Variants in RRM2 observed in about 807,000 individuals in gnomAD.
RRM2 encodes ribonucleotide reductase regulatory subunit M2.
A neutral mutation model predicts 45.9 loss-of-function variants in RRM2; 6 were observed. The ratio of observed to expected loss-of-function variants is 0.13; its 90% CI spans 0.07 to 0.26. The LOEUF is 0.26. Ranked by LOEUF, RRM2 falls within the 10% of genes least tolerant of loss-of-function variation. The pLI is 1.00. For synonymous variants in RRM2, 177 were observed against 173.0 expected, an observed-to-expected ratio of 1.02 and a Z score of -0.18; for missense variants, 343 against 489.5, an observed-to-expected ratio of 0.70 and a Z score of 2.82.
chr2:10,187,144 G>A (rs543922592), intron 3 of RRM2, among the ~76,000 whole-genome samples: 1 of 152,340 alleles, frequency 6.6e-6, no homozygotes, highest in South Asian at 2.1e-4. Context: ...TCTCAGACAA[G>A]GAATGACCCA....
chr2:10,143,332 G>C (rs1663123368), intron 3 of RRM2, among the ~76,000 whole-genome samples: 1 of 152,210 alleles, frequency 6.6e-6, no homozygotes, highest in African/African-American at 2.4e-5. Flanking sequence ...AGTGAGGCCA[G>C]ATTAGGGGCC....
At chr2:10,208,984 G>A (rs934452334) in intron 3 of RRM2, among the ~76,000 whole-genome samples, 2 of 151,570 alleles carry the variant, frequency 1.3e-5, no homozygotes, top group African/African-American at 2.4e-5. Flanking sequence ...CCTGTCTCCT[G>A]GTGGCCAAAC....
chr2:10,193,233 A>T (rs1664347660), intron 3 of RRM2, among the ~76,000 whole-genome samples: 1 of 151,976 alleles, frequency 6.6e-6, no homozygotes, highest in African/African-American at 2.4e-5. Context: ...CCCTTTAATG[A>T]TCATTGCATT....
chr2:10,144,886 A>G (rs1175956672), intron 3 of RRM2, among the ~76,000 whole-genome samples: 1 of 152,176 alleles, frequency 6.6e-6, no homozygotes, highest in African/African-American at 2.4e-5. Flanking sequence ...GCGGGGAGGC[A>G]TGAAAACAAT....
chr2:10,197,066 C>T (rs1664430738), intron 3 of RRM2, among the ~76,000 whole-genome samples: 1 of 152,236 alleles, frequency 6.6e-6, no homozygotes, highest in Admixed American at 6.5e-5. Context: ...GCAGCTTGGC[C>T]CGTGCCTCTG....
intron 3 of RRM2, among the ~76,000 whole-genome samples, chr2:10,193,430 G>A (rs369671500): frequency 2.0e-5 from 3 of 152,274 alleles, no homozygotes; most frequent in South Asian, 4.1e-4. Context: ...AGCTTTCCAC[G>A]GGGCTGGGTG....
Position 10,147,134 on chromosome 2 carries a change from G to T in RRM2, n.482+4759G>T, listed in dbSNP as rs544633132. The stretch of plus-strand genomic sequence containing the variant: ...CGCCCAGCTAATTTTTGCATTTTTA[G>T]TAGACATGGGGTTTCACCTTGTTGG... On this transcript the variant is annotated intron_variant and non_coding_transcript_variant, in intron 3 of 3. Transcript: ENST00000381786. Among the ~76,000 whole-genome samples, 11 of 151,208 alleles carry T rather than the reference G, an allele frequency of 7.3e-5. No individual in the cohort carries two copies. The Middle Eastern group carries it at 0.01, about 142-fold the overall frequency.
chr2:10,127,551 T>G lies in RRM2; in HGVS notation c.798+331T>G, dbSNP rs1211078040. Among the ~76,000 whole-genome samples, 2 of 152,206 alleles carry G rather than the reference T, an allele frequency of 1.3e-5. No homozygotes were observed. Among genetic ancestry groups the G allele is most frequent in the Admixed American group, 6.5e-5 (1 of 15,282 alleles). ...GTGCAATGGCGTGATCTTGGCTCACTGCAACCTCTGCCTCCTAGGTTCAAG... is the reference window on the plus strand; with the variant it reads ...GTGCAATGGCGTGATCTTGGCTCACGGCAACCTCTGCCTCCTAGGTTCAAG... On this transcript the variant is annotated intron_variant, in intron 7 of 9. Transcript: ENST00000304567. This position sits in a 1 kb window ranked among gnomAD's most constrained non-coding sequence, Gnocchi z 4.1.
rs190862755 is a variant in RRM2, at chr2:10,172,674, G to A, written n.482+30299G>A. On this transcript the variant is annotated intron_variant and non_coding_transcript_variant, in intron 3 of 3. Transcript: ENST00000381786. This position sits in a 1 kb window ranked among gnomAD's most constrained non-coding sequence, Gnocchi z 4.9. ...CCTTCGCCTCTTCCTTCTGTCTGTC[G>A]GTGCAGCCTCTGAATAGAATCCTGG... Among the ~76,000 whole-genome samples the A allele has an allele frequency of 8.2e-3, 1,253 of 152,266 alleles. 7 individuals are homozygous for A. The highest frequency in any genetic ancestry group is 0.014 in the Non-Finnish European group (936 of 68,024).
At chr2:10,166,724 G>A (rs1663690665) in intron 3 of RRM2, among the ~76,000 whole-genome samples, 1 of 152,238 alleles carries the variant, frequency 6.6e-6, no homozygotes, top group Non-Finnish European at 1.5e-5. Flanking sequence ...CCAGCTGCTT[G>A]GATGCTCCCA....
chr2:10,210,100 C>T (rs553885035), intron 3 of RRM2, among the ~76,000 whole-genome samples: 45 of 152,294 alleles, frequency 3.0e-4, no homozygotes, highest in Non-Finnish European at 5.7e-4. Flanking sequence ...CCCATGGTGC[C>T]TGGCTTGCCT....
chr2:10,209,029 G>GTTTCTTTCTTTC (rs56795856), intron 3 of RRM2, among the ~76,000 whole-genome samples: 9,168 of 135,826 alleles, frequency 0.067, 462 homozygotes, highest in Non-Finnish European at 0.088. Flanking sequence ...GCAGAAAGTG[G>GTTTCTTTCTTTC]TTTCTTTCTT....
chr2:10,155,746 C>T (rs1369498661), intron 3 of RRM2: 2 of 152,280 alleles, frequency 1.3e-5, no homozygotes, highest in African/African-American at 4.8e-5. Context: ...TTCCAGTGCT[C>T]TCCAGCTGGA....
intron 3 of RRM2, among the ~76,000 whole-genome samples, chr2:10,154,807 T>A (rs1343227706): frequency 1.3e-5 from 2 of 149,602 alleles, no homozygotes; most frequent in Non-Finnish European, 3.0e-5. Flanking sequence ...GTGATTCTCC[T>A]GCCTCAGCCT....
Position 10,200,439 on chromosome 2 carries a change from AAAATATGAGGCCCACAGGGACCG to A in RRM2, n.483-9871_483-9849del, listed in dbSNP as rs1558406576. On this transcript the variant is annotated intron_variant and non_coding_transcript_variant, in intron 3 of 3. Coordinates refer to the RRM2 transcript ENST00000381786. ...TGAGGCCCACAGGGACCGCGCGCGC[AAAATATGAGGCCCACAGGGACCG>A]CGCGCGCAAAATATGAGGCCCACAG... Among the ~76,000 whole-genome samples the A allele has an allele frequency of 5.0e-5, 7 of 140,130 alleles. No individual in the cohort carries two copies. In the East Asian group the frequency reaches 1.6e-3, roughly 32 times the overall value. 91.9% of individuals were successfully genotyped at this position (140,130 alleles called of 152,430 possible).
chr2:10,145,291 G>A (rs182978308), intron 3 of RRM2, among the ~76,000 whole-genome samples: 14 of 152,264 alleles, frequency 9.2e-5, no homozygotes, highest in African/African-American at 3.1e-4. Flanking sequence ...TGTAACTGGG[G>A]AGTGGCACGG....
Position 10,127,145 on chromosome 2 carries a change from G to GGT in RRM2, c.723_724insGT (p.Ser242ValfsTer11). ...GCATTTTCTTTTCCGGTTCTTTTGCGTCGATATTCTGGCTCAAGAAACGAG... is the reference window on the plus strand; with the variant it reads ...GCATTTTCTTTTCCGGTTCTTTTGCGGTTCGATATTCTGGCTCAAGAAACGAG... On this transcript the variant is annotated frameshift_variant, in exon 7 of 10. Coordinates refer to ENST00000304567, the MANE Select transcript of RRM2 (RefSeq NM_001034.4). LOFTEE classifies it high-confidence loss of function. The surrounding 1 kb of genome is among the most constrained non-coding windows in gnomAD (Gnocchi z 4.1). 6.2e-7 allele frequency: 1 copy of GGT among 1,614,074 alleles called. No individual in the cohort carries two copies. Among genetic ancestry groups the GGT allele is most frequent in the Non-Finnish European group, 8.5e-7 (1 of 1,179,998 alleles).
chr2:10,141,519 C>A (rs1008038450), exon 1 of RRM2: 10 of 327,542 alleles, frequency 3.1e-5, no homozygotes, highest in Non-Finnish European at 4.7e-5. Context: ...CAGCAGAGGT[C>A]TGGGCACATG....
At position 10,129,241 on chromosome 2, in the gene RRM2, G is replaced by A. The variant is rs1439521731; in HGVS notation, c.1025G>A (p.Arg342Lys). 5 of 1,613,588 alleles carry A rather than the reference G, an allele frequency of 3.1e-6. No individual in the cohort carries two copies. The Admixed American group carries it at 6.7e-5, about 22-fold the overall frequency. Residue 342 changes from arginine (R) to lysine (K), a missense_variant, in exon 10 of 10, where the codon AGA (arginine) becomes AAA (lysine). Coordinates refer to ENST00000304567, the MANE Select transcript of RRM2 (RefSeq NM_001034.4). The surrounding 1 kb of genome is among the most constrained non-coding windows in gnomAD (Gnocchi z 4.8). ...MLELGFSKVF[R>K]VENPFDFMEN... ...TGATGTGAACCTTTTCAGGTTTTCA[G>A]AGTAGAGAACCCATTTGACTTTATG...
Sources: gnomAD v4.1 joint callset for allele counts (sites outside exome capture counted in the v4.1 genomes callset) on GRCh38, gnomAD v4.1.1 for gene constraint, Gnocchi (gnomAD v3.1) non-coding constraint, MANE v1.5 for transcripts, NCBI Gene and HGNC (gene_info 2026-07-23, HGNC 2026-07-21) for gene names.